The following TMEM225 variants were observed in gnomAD, a reference collection of about 807,000 sequenced individuals.
The protein encoded by TMEM225 is transmembrane protein 225.
In TMEM225, 10 loss-of-function variants were observed where a neutral mutation model predicts 17.6. The ratio of observed to expected loss-of-function variants is 0.57; its 90% CI spans 0.35 to 0.96. The LOEUF (loss-of-function observed/expected upper bound fraction) is 0.96. TMEM225 is among the 40% of genes least tolerant of loss of function. The probability of loss-of-function intolerance (pLI) is 0.02; values close to 1 mark genes in which losing one functional copy is unlikely to be tolerated. For missense variants in TMEM225, 245 were observed against 271.5 expected (o/e 0.90, Z 0.69); for synonymous variants, 101 against 94.5 (o/e 1.07, Z -0.40).
At chr11:123,885,042 C>T (rs771357765) in intron 1 of TMEM225, among the ~76,000 whole-genome samples, 2 of 152,130 alleles carry the variant, frequency 1.3e-5, no homozygotes, top group Non-Finnish European at 2.9e-5. Context: ...AACATATAAA[C>T]TTTTCTCCAG....
Position 123,885,395 on chromosome 11 carries a change from C to A in TMEM225, c.31G>T (p.Gly11Cys), listed in dbSNP as rs149108305. 1.9e-6 allele frequency: 3 copies of A among 1,612,850 alleles called. No homozygotes were observed. The Admixed American group carries it at 5.0e-5, about 27-fold the overall frequency. MVHVSNRSIQ[G>C]MNILFSSWAV... ...CAGGAGGAGAAAAGTATGTTCATAC[C>A]CTGGATACTTCTATTTGAAACATGC... The change falls in exon 1 of 4, where the codon GGT becomes TGT. Residue 11 changes from glycine (G) to cysteine (C), a missense_variant. Coordinates refer to ENST00000375026, the MANE Select transcript of TMEM225 (RefSeq NM_001013743.3).
Position 123,885,293 on chromosome 11 carries a change from T to A in TMEM225, c.133A>T (p.Met45Leu). The A allele has an allele frequency of 6.2e-7, 1 of 1,613,686 alleles. No individual in the cohort carries two copies. Among genetic ancestry groups the A allele is most frequent in the Non-Finnish European group, 8.5e-7 (1 of 1,179,710 alleles). Residue 45 changes from methionine (M) to leucine (L), a missense_variant, in exon 1 of 4, where the codon ATG becomes TTG. Transcript: ENST00000375026. ...CACATCATCCAAGGACTGTGGTTCA[T>A]CTTGGCTCTTTCATCTTCTGAAATC... ...ELISEDERAK[M>L]NHSPWMMCCP...
rs756503136 is a variant in TMEM225 at position 123,883,258 on chromosome 11, A to G, written c.558T>C (p.Asn186=). The G allele has an allele frequency of 6.2e-7, 1 of 1,613,442 alleles. No homozygotes were observed. The highest frequency in any genetic ancestry group is 8.5e-7 in the Non-Finnish European group (1 of 1,179,550). ...KSDNECKESE[N]SIEDISLPEC... is the part of the protein sequence containing the mutation. ...CTGGTAATGAAATATCTTCGATAGA[A>G]TTCTCAGATTCCTTACATTCGTTGT... Residue 186 remains asparagine (N), a synonymous_variant, in exon 4 of 4, where the codon AAT becomes AAC. Coordinates refer to ENST00000375026, the MANE Select transcript of TMEM225 (RefSeq NM_001013743.3).
intron 3 of TMEM225, among the ~76,000 whole-genome samples, chr11:123,883,579 A>ATGCTTCTTT (rs1862994658): frequency 6.6e-6 from 1 of 152,150 alleles, no homozygotes; most frequent in Non-Finnish European, 1.5e-5. Context: ...GAAAGAGAAC[A>ATGCTTCTTT]TGCTTCTTTT....
Position 123,884,222 on chromosome 11 carries a change from C to CAAA in TMEM225, c.329-16_329-14dup, listed in dbSNP as rs61366176. The stretch of plus-strand genomic sequence containing the variant: ...AGCAGAGAGATACCTGATGTCCAGA[C>CAAA]AAAAAAAAAAAAAAAAAAAGAAAAA... On this transcript the variant is annotated splice_polypyrimidine_tract_variant and intron_variant, in intron 2 of 3. Transcript: ENST00000375026. 443 of 1,235,558 alleles carry CAAA rather than the reference C, an allele frequency of 3.6e-4. No individual in the cohort carries two copies. Among genetic ancestry groups the CAAA allele is most frequent in the South Asian group, 1.4e-3 (69 of 49,304 alleles). The allele number at this position is 1,235,558 out of a possible 1,614,324, so 76.5% of individuals were successfully genotyped here. A position where few individuals can be genotyped will look rare whatever the true frequency, so the allele number is the denominator to read the frequency against.
At position 123,884,398 on chromosome 11, in the gene TMEM225, C is replaced by CAT. The variant is rs111805958; in HGVS notation, c.328+90_328+91dup. On this transcript the variant is annotated intron_variant, in intron 2 of 3. Coordinates refer to ENST00000375026, the MANE Select transcript of TMEM225 (RefSeq NM_001013743.3). ...TATGGTAGATCTAACTCAGAAGCTA[C>CAT]ATATATATATATATAGTTTTCAGAG... The CAT allele has an allele frequency of 7.1e-3, 8,438 of 1,180,732 alleles. 55 individuals carry two copies. The highest frequency in any genetic ancestry group is 0.046 in the African/African-American group (2,904 of 62,754). The allele number at this position is 1,180,732 out of a possible 1,614,324, so 73.1% of individuals were successfully genotyped here.
At chr11:123,884,801 TA>T (rs1400785392) in intron 1 of TMEM225, among the ~76,000 whole-genome samples, 165 bp from the exon 2 acceptor site, 1 of 152,152 alleles carries the variant, frequency 6.6e-6, no homozygotes, top group African/African-American at 2.4e-5. Context: ...TTAAGCTGAA[TA>T]AGAGAACCAA....
chr11:123,884,247 A>G (rs773794782), intron 2 of TMEM225, 38 bp from the exon 3 acceptor site: 15 of 1,551,092 alleles, frequency 9.7e-6, no homozygotes, highest in African/African-American at 1.4e-5. Flanking sequence ...AAAAAGAAAA[A>G]GAAAAAAGTC....
Position 123,883,026 on chromosome 11 carries a change from A to G in TMEM225, c.*112T>C. The G allele has an allele frequency of 1.1e-6, 1 of 871,960 alleles. No individual in the cohort carries two copies. Among genetic ancestry groups the G allele is most frequent in the South Asian group, 2.0e-5 (1 of 49,256 alleles). The allele number at this position is 871,960 out of a possible 1,614,324, so 54.0% of individuals were successfully genotyped here. ...AAAAAACCATCTTCCAGATCTTTTTACAAACCCCAACCATAATTCCAAATA... is the reference window on the plus strand; with the variant it reads ...AAAAAACCATCTTCCAGATCTTTTTGCAAACCCCAACCATAATTCCAAATA... On this transcript the variant is annotated 3_prime_UTR_variant, in exon 4 of 4. Coordinates refer to ENST00000375026, the MANE Select transcript of TMEM225 (RefSeq NM_001013743.3).
intron 1 of TMEM225, among the ~76,000 whole-genome samples, chr11:123,884,862 A>G (rs1863019039): frequency 6.6e-6 from 1 of 152,038 alleles, no homozygotes; most frequent in Non-Finnish European, 1.5e-5. Context: ...CTCTTCTATT[A>G]TTTTCTTCAA....
Position 123,885,576 on chromosome 11 carries a change from AAGAT to A in TMEM225, c.-155_-152del. ...AGCTGAAGTAGTCTATAAAACAGAG[AAGAT>A]AGATAACTCTCACCCTTCCTCACTT... On this transcript the variant is annotated 5_prime_UTR_variant, in exon 1 of 4. Transcript: ENST00000375026. 2 of 684,918 alleles carry A rather than the reference AAGAT, an allele frequency of 2.9e-6. No individual in the cohort carries two copies. Among genetic ancestry groups the A allele is most frequent in the Non-Finnish European group, 2.4e-6 (1 of 412,712 alleles). 42.4% of individuals were successfully genotyped at this position (684,918 alleles called of 1,614,324 possible). A position where few individuals can be genotyped will look rare whatever the true frequency, so the allele number is the denominator to read the frequency against.
At chr11:123,884,258 C>T (rs1433100180) in intron 2 of TMEM225, 49 bp from the exon 3 acceptor site, 2 of 1,529,326 alleles carry the variant, frequency 1.3e-6, no homozygotes, top group African/African-American at 1.4e-5. Context: ...GAAAAAAGTC[C>T]CTTCTGAGGA....
Position 123,885,326 on chromosome 11 carries a change from C to G in TMEM225, c.100G>C (p.Val34Leu). The G allele has an allele frequency of 6.2e-7, 1 of 1,613,666 alleles. No individual in the cohort carries two copies. The highest frequency in any genetic ancestry group is 8.5e-7 in the Non-Finnish European group (1 of 1,179,726). Residue 34 changes from valine to leucine, a missense_variant, in exon 1 of 4, where the codon GTT (valine) becomes CTT (leucine). Val to Leu is a conservative substitution (Grantham distance 32). Coordinates refer to ENST00000375026, the MANE Select transcript of TMEM225 (RefSeq NM_001013743.3). Reference sequence around the variant, plus strand: ...CTTTCATCTTCTGAAATCAATTCAACCCATTTATCTAAGGTGATTCCCATC... The same window carrying G: ...CTTTCATCTTCTGAAATCAATTCAAGCCATTTATCTAAGGTGATTCCCATC... ...MVMGITLDKWVELISEDERAK... is the reference protein window; with the variant it reads ...MVMGITLDKWLELISEDERAK...
intron 1 of TMEM225, among the ~76,000 whole-genome samples, chr11:123,884,944 C>T (rs983116035): frequency 1.2e-4 from 18 of 152,158 alleles, no homozygotes; most frequent in Admixed American, 2.0e-4. Context: ...ATGCCAGTTA[C>T]GTTTCTTTCT....
intron 3 of TMEM225, among the ~76,000 whole-genome samples, 164 bp downstream of exon 3, chr11:123,883,911 C>T (rs994798094): frequency 2.0e-5 from 3 of 152,088 alleles, no homozygotes; most frequent in African/African-American, 7.2e-5. Context: ...CCTGACCTCC[C>T]ACTCTTCTTG....
Position 123,883,306 on chromosome 11 carries a change from G to A in TMEM225, c.510C>T (p.Thr170=). The A allele has an allele frequency of 6.2e-7, 1 of 1,613,296 alleles. No homozygotes were observed. The highest frequency in any genetic ancestry group is 8.5e-7 in the Non-Finnish European group (1 of 1,179,552). ...LECKLSTSSC[T]CLNIHKSDNE... Reference sequence around the variant, plus strand: ...TGTCAGATTTATGGATGTTCAGGCAGGTACAGCTACTGGTAGACAACTTGC... The same window carrying A: ...TGTCAGATTTATGGATGTTCAGGCAAGTACAGCTACTGGTAGACAACTTGC... Residue 170 remains threonine (T), a synonymous_variant, in exon 4 of 4, where the codon ACC becomes ACT. Coordinates refer to ENST00000375026, the MANE Select transcript of TMEM225 (RefSeq NM_001013743.3).
At position 123,885,474 on chromosome 11, in the gene TMEM225, T is replaced by C; in HGVS notation, c.-49A>G. The C allele has an allele frequency of 6.5e-7, 1 of 1,548,662 alleles. No individual in the cohort carries two copies. Among genetic ancestry groups the C allele is most frequent in the Non-Finnish European group, 8.8e-7 (1 of 1,137,102 alleles). On this transcript the variant is annotated 5_prime_UTR_variant, in exon 1 of 4. Transcript: ENST00000375026. The stretch of plus-strand genomic sequence containing the variant: ...AACCACCACCACTATTTTGTAGATC[T>C]CTTCCTTGATTTGATTAGTTACAAG...
Position 123,883,391 on chromosome 11 carries a change from A to T in TMEM225, c.464-39T>A, listed in dbSNP as rs750630367. On this transcript the variant is annotated intron_variant, in intron 3 of 3. Transcript: ENST00000375026. Reference sequence around the variant, plus strand: ...ATTCCAGGGAGTGGGATGAAGGGACAATGGAGAGTCAGAAACAATTCTCTC... The same window carrying T: ...ATTCCAGGGAGTGGGATGAAGGGACTATGGAGAGTCAGAAACAATTCTCTC... The T allele has an allele frequency of 3.4e-6, 5 of 1,463,480 alleles. No homozygotes were observed. The African/African-American group carries it at 4.2e-5, about 12-fold the overall frequency. The allele number at this position is 1,463,480 out of a possible 1,614,324, so 90.7% of individuals were successfully genotyped here.
chr11:123,885,446 T>A lies in TMEM225; in HGVS notation c.-21A>T. The A allele has an allele frequency of 6.2e-7, 1 of 1,601,892 alleles. No individual in the cohort carries two copies. ...ACCATTGTGAGTGAAAATTTCTAGCTGGAACCACCACCACTATTTTGTAGA... is the reference window on the plus strand; with the variant it reads ...ACCATTGTGAGTGAAAATTTCTAGCAGGAACCACCACCACTATTTTGTAGA... On this transcript the variant is annotated 5_prime_UTR_variant, in exon 1 of 4. Coordinates refer to ENST00000375026, the MANE Select transcript of TMEM225 (RefSeq NM_001013743.3).
Sources: allele counts gnomAD v4.1 joint callset (sites outside exome capture counted in the v4.1 genomes callset), GRCh38; gene constraint gnomAD v4.1.1; transcripts MANE v1.5; gene names NCBI Gene and HGNC (gene_info 2026-07-23, HGNC 2026-07-21).